The following ZNF404 variants were observed in gnomAD, a reference collection of about 807,000 sequenced individuals.
ZNF404 encodes the protein zinc finger protein 404.
In ZNF404, 7 loss-of-function variants were observed where a neutral mutation model predicts 7.3. That is an observed-to-expected ratio of 0.95 (90% confidence interval 0.54 to 1.79). ZNF404 has a LOEUF of 1.79. ZNF404 is among the 40% of genes most tolerant of loss of function. The pLI, the probability that ZNF404 is intolerant of heterozygous loss-of-function variation, is 0.00. For synonymous variants in ZNF404, 191 were observed against 209.9 expected (o/e 0.91, Z 0.78); for missense variants, 560 against 661.5 (o/e 0.85, Z 1.68).
intron 1 of ZNF404, chr19:43,881,536 T>A (rs1329083270): frequency 5.9e-5 from 9 of 152,164 alleles, no homozygotes; most frequent in Admixed American, 4.6e-4. Context: ...AATACTCTCA[T>A]AACTACAAAT....
chr19:43,880,254 TGAC>T (rs1420727031), intron 1 of ZNF404, 118 bp from the exon 2 acceptor site: 1 of 850,628 alleles, frequency 1.2e-6, no homozygotes, highest in African/African-American at 1.7e-5. Flanking sequence ...TACAAGATGA[TGAC>T]ATGGTTAGAT....
intron 1 of ZNF404, among the ~76,000 whole-genome samples, chr19:43,880,960 C>T (rs1971890354): frequency 6.6e-6 from 1 of 152,182 alleles, no homozygotes; most frequent in South Asian, 2.1e-4. Context: ...AGGTAATGCA[C>T]CATATTCACA....
intron 2 of ZNF404, among the ~76,000 whole-genome samples, chr19:43,877,083 C>G (rs1278048352): frequency 6.6e-6 from 1 of 151,864 alleles, no homozygotes; most frequent in Non-Finnish European, 1.5e-5. Flanking sequence ...AATAGTTTGC[C>G]TATAGTTTTG....
chr19:43,872,843 A>G lies in ZNF404; in HGVS notation c.1371T>C (p.His457=), dbSNP rs1436997002. 2 of 1,609,350 alleles carry G rather than the reference A, an allele frequency of 1.2e-6. No homozygotes were observed. Among genetic ancestry groups the G allele is most frequent in the Non-Finnish European group, 1.7e-6 (2 of 1,177,326 alleles). Residue 457 remains histidine (H), a synonymous_variant, in exon 3 of 3, where the codon CAT becomes CAC. Coordinates refer to ENST00000587539, the MANE Select transcript of ZNF404 (RefSeq NM_001033719.3). This position sits in a 1 kb window ranked among gnomAD's most constrained non-coding sequence, Gnocchi z 4.4. ...TFRLNSQLIY[H]QTIHTGLKPY... is the part of the protein sequence containing the mutation. The stretch of plus-strand genomic sequence containing the variant: ...GTTTCAAACCAGTATGAATTGTCTG[A>G]TGATAAATTAGTTGAGAATTAAGTC...
At chr19:43,879,017 A>G (rs953140205) in intron 2 of ZNF404, among the ~76,000 whole-genome samples, 3 of 152,220 alleles carry the variant, frequency 2.0e-5, no homozygotes, top group African/African-American at 7.2e-5. Flanking sequence ...GCATTAACAA[A>G]TGACAAATAA....
chr19:43,882,360 A>T (rs533688468), intron 1 of ZNF404, among the ~76,000 whole-genome samples: 1 of 152,360 alleles, frequency 6.6e-6, no homozygotes, highest in East Asian at 1.9e-4. Flanking sequence ...AAAATGGCAC[A>T]TGGAGATAAA....
chr19:43,873,530 A>G lies in ZNF404; in HGVS notation c.684T>C (p.Ser228=), dbSNP rs780170098. The G allele has an allele frequency of 6.2e-7, 1 of 1,613,494 alleles. No homozygotes were observed. Among genetic ancestry groups the G allele is most frequent in the Non-Finnish European group, 8.5e-7 (1 of 1,179,592 alleles). ...GAATTTTCTGATGTTCTGTAAGGTGAGAATGACGTCTAAAAGCCTTCCCGC... is the reference window on the plus strand; with the variant it reads ...GAATTTTCTGATGTTCTGTAAGGTGGGAATGACGTCTAAAAGCCTTCCCGC... The part of the protein sequence containing the change: ...KQCGKAFRRH[S]HLTEHQKIHV... The change falls in exon 3 of 3, where the codon TCT becomes TCC. Residue 228 remains serine (S), a synonymous_variant. Transcript: ENST00000587539.
At chr19:43,878,619 A>G (rs976287978) in intron 2 of ZNF404, among the ~76,000 whole-genome samples, 14 of 152,186 alleles carry the variant, frequency 9.2e-5, no homozygotes, top group African/African-American at 3.4e-4. Context: ...GAGGCAAAGG[A>G]AAGCACCACC....
chr19:43,879,274 A>T (rs1971876172), intron 2 of ZNF404, among the ~76,000 whole-genome samples: 1 of 152,210 alleles, frequency 6.6e-6, no homozygotes, highest in Non-Finnish European at 1.5e-5. Flanking sequence ...CCTCTTTAGA[A>T]AACAGAATAA....
At chr19:43,882,330 C>A (rs1430466583) in intron 1 of ZNF404, among the ~76,000 whole-genome samples, 1 of 152,122 alleles carries the variant, frequency 6.6e-6, no homozygotes, top group Non-Finnish European at 1.5e-5. Context: ...ATACCTTGTA[C>A]CATATGCCAA....
In ZNF404 at chr19:43,872,399, C is replaced by G; in HGVS notation, c.*156G>C. ...TAAGATTTATTTTTAGTAATTCTAA[C>G]AATTATCATAAAAATAATGTATTTA... is the stretch of plus-strand genomic sequence containing the variant. On this transcript the variant is annotated 3_prime_UTR_variant, in exon 3 of 3. Transcript: ENST00000587539. The surrounding 1 kb of genome is among the most constrained non-coding windows in gnomAD (Gnocchi z 4.4). 1 of 536,006 alleles carries G rather than the reference C, an allele frequency of 1.9e-6. No homozygotes were observed. Among genetic ancestry groups the G allele is most frequent in the Non-Finnish European group, 3.1e-6 (1 of 326,076 alleles). 33.2% of individuals were successfully genotyped at this position (536,006 alleles called of 1,614,324 possible).
Position 43,872,547 on chromosome 19 carries a change from C to T in ZNF404, c.*8G>A. The T allele has an allele frequency of 1.3e-6, 2 of 1,573,436 alleles. No homozygotes were observed. Among genetic ancestry groups the T allele is most frequent in the Non-Finnish European group, 8.6e-7 (1 of 1,160,254 alleles). ...AAAATGTGCCATGGCTAAAGGCTTT[C>T]CCTCTCATTACATTAAGAGTCTCTC... On this transcript the variant is annotated 3_prime_UTR_variant, in exon 3 of 3. Transcript: ENST00000587539. This position sits in a 1 kb window ranked among gnomAD's most constrained non-coding sequence, Gnocchi z 4.4.
At position 43,872,765 on chromosome 19, in the gene ZNF404, A is replaced by G. The variant is rs1299365832; in HGVS notation, c.1449T>C (p.Ser483=). 2 of 1,612,300 alleles carry G rather than the reference A, an allele frequency of 1.2e-6. No individual in the cohort carries two copies. Among genetic ancestry groups the G allele is most frequent in the Non-Finnish European group, 1.7e-6 (2 of 1,179,132 alleles). Residue 483 remains serine, a synonymous_variant, in exon 3 of 3, where the codon TCT becomes TCC. Coordinates refer to ENST00000587539, the MANE Select transcript of ZNF404 (RefSeq NM_001033719.3). This position sits in a 1 kb window ranked among gnomAD's most constrained non-coding sequence, Gnocchi z 4.4. ...KKAFRSISGL[S]QHKRIHTGEK... ...CACCAGTATGAATTCTCTTATGTTGAGAAAGACCTGAGATAGAACGAAAGG... is the reference window on the plus strand; with the variant it reads ...CACCAGTATGAATTCTCTTATGTTGGGAAAGACCTGAGATAGAACGAAAGG...
rs765795518 is a variant in ZNF404 at position 43,873,975 on chromosome 19, T to C, written c.239A>G (p.Asn80Ser). 113 of 1,612,586 alleles carry C rather than the reference T, an allele frequency of 7.0e-5. No individual in the cohort carries two copies. Among genetic ancestry groups the C allele is most frequent in the Non-Finnish European group, 8.9e-5 (105 of 1,179,348 alleles). ...QETWKRNKTF[N>S]LMRFIFRTDP... Reference sequence around the variant, plus strand: ...AGTTCTGAAAATAAACCTCATAAGGTTGAAGGTTTTATTTCTTTTCCATGT... The same window carrying C: ...AGTTCTGAAAATAAACCTCATAAGGCTGAAGGTTTTATTTCTTTTCCATGT... Residue 80 changes from asparagine (N) to serine (S), a missense_variant, in exon 3 of 3, where the codon AAC (asparagine) becomes AGC (serine). Coordinates refer to ENST00000587539, the MANE Select transcript of ZNF404 (RefSeq NM_001033719.3).
intron 1 of ZNF404, among the ~76,000 whole-genome samples, chr19:43,882,591 T>G (rs1320683915): frequency 2.6e-5 from 4 of 152,036 alleles, no homozygotes; most frequent in South Asian, 2.1e-4. Context: ...ATTATCACTT[T>G]GAAAAATTAA....
In ZNF404 at chr19:43,872,394, T is replaced by C; in HGVS notation, c.*161A>G. 1 of 526,728 alleles carries C rather than the reference T, an allele frequency of 1.9e-6. No individual in the cohort carries two copies. 32.6% of individuals were successfully genotyped at this position (526,728 alleles called of 1,614,324 possible). A position where few individuals can be genotyped will look rare whatever the true frequency, so the allele number is the denominator to read the frequency against. ...TTCTATAAGATTTATTTTTAGTAAT[T>C]CTAACAATTATCATAAAAATAATGT... On this transcript the variant is annotated 3_prime_UTR_variant, in exon 3 of 3. Transcript: ENST00000587539. This position sits in a 1 kb window ranked among gnomAD's most constrained non-coding sequence, Gnocchi z 4.4.
intron 1 of ZNF404, among the ~76,000 whole-genome samples, chr19:43,881,483 T>C (rs1254903510): frequency 6.6e-6 from 1 of 151,996 alleles, no homozygotes; most frequent in Non-Finnish European, 1.5e-5. Flanking sequence ...AAATGAAAAA[T>C]ATAAAATACT....
rs1276315708 is a variant in ZNF404, at chr19:43,874,003, C to A, written c.211G>T (p.Glu71Ter). 1 of 1,608,046 alleles carries A rather than the reference C, an allele frequency of 6.2e-7. No homozygotes were observed. ...AAGGTTTTATTTCTTTTCCATGTCT[C>A]CTGATGGTACGCATTTACTTCATAA... ...RNYEVNAYHQ[E>*]TWKRNKTFNL... Residue 71 changes from glutamate (E) to a stop codon, truncating the protein, a stop_gained, in exon 3 of 3, where the codon GAG becomes TAG. Coordinates refer to ENST00000587539, the MANE Select transcript of ZNF404 (RefSeq NM_001033719.3). LOFTEE classifies it low-confidence loss of function (END_TRUNC).
chr19:43,873,090 C>T lies in ZNF404; in HGVS notation c.1124G>A (p.Arg375Lys). 1.9e-6 allele frequency: 3 copies of T among 1,612,976 alleles called. No homozygotes were observed. The highest frequency in any genetic ancestry group is 1.7e-6 in the Non-Finnish European group (2 of 1,179,424). ...CRGSQLTQHQ[R>K]IHTGEKPHEC... ...ATGTGGCTTCTCACCAGTATGAATT[C>T]TCTGATGCTGTGTAAGTTGAGAGCC... is the stretch of plus-strand genomic sequence containing the variant. The change falls in exon 3 of 3, where the codon AGA (arginine) becomes AAA (lysine). Residue 375 changes from arginine (R) to lysine (K), a missense_variant. Arg to Lys is a conservative substitution (Grantham distance 26). Coordinates refer to ENST00000587539, the MANE Select transcript of ZNF404 (RefSeq NM_001033719.3).
Sources: allele counts gnomAD v4.1 joint callset (sites outside exome capture counted in the v4.1 genomes callset), GRCh38; gene constraint gnomAD v4.1.1; non-coding constraint Gnocchi (gnomAD v3.1); transcripts MANE v1.5; gene names NCBI Gene and HGNC (gene_info 2026-07-23, HGNC 2026-07-21).